Variants in FTO observed in about 807,000 individuals in gnomAD.
FTO encodes the protein alpha-ketoglutarate-dependent dioxygenase FTO.
Under a neutral mutation model 63.9 loss-of-function variants are expected in FTO, and 47 were observed. The observed-to-expected ratio is 0.74, with a 90% CI of 0.58 to 0.94. The LOEUF is 0.94. Ranked by LOEUF, FTO falls within the 40% of genes least tolerant of loss-of-function variation. The probability of loss-of-function intolerance (pLI) is 0.00; values close to 1 mark genes in which losing one functional copy is unlikely to be tolerated. For missense variants in FTO, 562 were observed against 618.1 expected, an observed-to-expected ratio of 0.91 and a Z score of 0.96; for synonymous variants, 207 against 224.4, an observed-to-expected ratio of 0.92 and a Z score of 0.69.
rs2086967253 is a variant in FTO, at chr16:54,115,335, C to G, written c.*3420C>G. The G allele has an allele frequency of 1.3e-5, 2 of 152,292 alleles. No individual in the cohort carries two copies. The allele number at this position is 152,292 out of a possible 1,614,324, so 9.4% of individuals were successfully genotyped here. A position where few individuals can be genotyped will look rare whatever the true frequency, so the allele number is the denominator to read the frequency against. ...CAGCAATGAGGCAAGCCTGGGGACC[C>G]AAGACAGATCTCTGCCTCCCAGGCT... On this transcript the variant is annotated 3_prime_UTR_variant, in exon 9 of 9. Coordinates refer to ENST00000471389, the MANE Select transcript of FTO (RefSeq NM_001080432.3).
intron 7 of FTO, among the ~76,000 whole-genome samples, chr16:53,892,596 T>G (rs1002027582): frequency 6.6e-5 from 10 of 152,220 alleles, no homozygotes; most frequent in Non-Finnish European, 1.3e-4. Flanking sequence ...TACTTTTTTT[T>G]GAATTGTAAA....
At chr16:53,732,100 G>A (rs1375493131) in intron 1 of FTO, among the ~76,000 whole-genome samples, 5 of 131,446 alleles carry the variant, frequency 3.8e-5, no homozygotes, top group African/African-American at 5.9e-5. Flanking sequence ...CCAGGCTGGA[G>A]TGCAGTGGTG....
At chr16:53,792,960 A>G (rs1021122719) in intron 1 of FTO, among the ~76,000 whole-genome samples, 1 of 152,208 alleles carries the variant, frequency 6.6e-6, no homozygotes, top group African/African-American at 2.4e-5. Flanking sequence ...CACTTACAAA[A>G]TTATGGACAG....
At chr16:53,906,870 A>G (rs1369641389) in intron 7 of FTO, among the ~76,000 whole-genome samples, 1 of 152,066 alleles carries the variant, frequency 6.6e-6, no homozygotes, top group Non-Finnish European at 1.5e-5. Flanking sequence ...AAGGAGAGGA[A>G]TCCTTCTTGA....
Position 53,790,579 on chromosome 16 carries a change from CA to C in FTO, c.46-19540del, listed in dbSNP as rs34860208. ...TAAAGAAAACAAAACCAAAATAAAG[CA>C]AAAAAAAAAAAAAAAAAAAAGGAGA... On this transcript the variant is annotated intron_variant, in intron 1 of 8. Coordinates refer to ENST00000471389, the MANE Select transcript of FTO (RefSeq NM_001080432.3). 3.5e-3 allele frequency among the ~76,000 whole-genome samples: 194 copies of C among 55,208 alleles called. No individual in the cohort carries two copies. In the South Asian group the frequency reaches 0.035, roughly 10 times the overall value. 36.2% of individuals were successfully genotyped at this position (55,208 alleles called of 152,430 possible). A position where few individuals can be genotyped will look rare whatever the true frequency, so the allele number is the denominator to read the frequency against.
intron 1 of FTO, among the ~76,000 whole-genome samples, chr16:53,806,996 G>C (rs990287465): frequency 6.6e-6 from 1 of 152,060 alleles, no homozygotes; most frequent in Non-Finnish European, 1.5e-5. Context: ...CTTAATATTT[G>C]TTTTTTTATA....
intron 1 of FTO, among the ~76,000 whole-genome samples, chr16:53,739,155 T>C (rs767475836): frequency 1.3e-5 from 2 of 152,144 alleles, no homozygotes; most frequent in South Asian, 2.1e-4. Flanking sequence ...TCTTTCTCAT[T>C]TGATTCTTAT....
At chr16:53,850,279 A>G (rs2079751816) in intron 4 of FTO, among the ~76,000 whole-genome samples, 1 of 152,046 alleles carries the variant, frequency 6.6e-6, no homozygotes, top group Non-Finnish European at 1.5e-5. Flanking sequence ...ATCCAATATG[A>G]ACTTCTGGCA....
chr16:53,875,693 T>G (rs981134640), intron 5 of FTO, among the ~76,000 whole-genome samples: 3 of 152,214 alleles, frequency 2.0e-5, no homozygotes, highest in Non-Finnish European at 4.4e-5. Flanking sequence ...TCAGAAGGGA[T>G]TTCAGTTTGT....
chr16:54,105,950 G>A (rs562457539), intron 8 of FTO, among the ~76,000 whole-genome samples: 63 of 152,186 alleles, frequency 4.1e-4, no homozygotes, highest in African/African-American at 1.3e-3. Flanking sequence ...GAAGAAGACC[G>A]TGTATGTTTT....
At chr16:53,870,498 T>G (rs1261948143) in intron 4 of FTO, among the ~76,000 whole-genome samples, 2 of 152,222 alleles carry the variant, frequency 1.3e-5, no homozygotes, top group Non-Finnish European at 2.9e-5. Flanking sequence ...CTCTGATAAA[T>G]TGTCATCTCT....
chr16:53,876,512 A>T (rs1313271132), intron 5 of FTO, among the ~76,000 whole-genome samples: 1 of 152,252 alleles, frequency 6.6e-6, no homozygotes, highest in African/African-American at 2.4e-5. Flanking sequence ...ATGGAATGGG[A>T]GAAAATATCT....
At chr16:53,800,714 T>G (rs1428605265) in intron 1 of FTO, among the ~76,000 whole-genome samples, 1 of 152,014 alleles carries the variant, frequency 6.6e-6, no homozygotes, top group Admixed American at 6.6e-5. Flanking sequence ...TCCTTTATCA[T>G]TATGAAATGA....
chr16:53,810,312 A>G, intron 2 of FTO, 95 bp downstream of exon 2: 2 of 826,144 alleles, frequency 2.4e-6, no homozygotes, highest in South Asian at 1.4e-5. Flanking sequence ...GTTAAATGAC[A>G]GGTGAAAAGG....
In FTO at chr16:54,034,326, C is replaced by T. The variant is rs1334963067; in HGVS notation, c.1365-77436C>T. 2.0e-5 allele frequency among the ~76,000 whole-genome samples: 3 copies of T among 152,158 alleles called. No individual in the cohort carries two copies. The East Asian group carries it at 5.8e-4, about 29-fold the overall frequency. On this transcript the variant is annotated intron_variant, in intron 8 of 8. Coordinates refer to ENST00000471389, the MANE Select transcript of FTO (RefSeq NM_001080432.3). ...CCATTTTAAAACCAGTGTTTAAGAG[C>T]TTTATGATTCTAAAATGAAAAGAAT...
At position 53,749,440 on chromosome 16, in the gene FTO, TC is replaced by T. The variant is rs1280724037; in HGVS notation, c.45+45212del. On this transcript the variant is annotated intron_variant, in intron 1 of 8. Coordinates refer to ENST00000471389, the MANE Select transcript of FTO (RefSeq NM_001080432.3). The stretch of plus-strand genomic sequence containing the variant: ...GAGGAAAAGATTTTAATTCTTTTTT[TC>T]TTTTTTTTTTTTTTGAGACGAAGTC... Among the ~76,000 whole-genome samples the T allele has an allele frequency of 1.3e-3, 198 of 150,768 alleles. 1 individual carries two copies. The highest frequency in any genetic ancestry group is 4.7e-3 in the African/African-American group (192 of 40,582).
chr16:53,853,022 G>A (rs1211942436), intron 4 of FTO, among the ~76,000 whole-genome samples: 1 of 152,210 alleles, frequency 6.6e-6, no homozygotes, highest in Non-Finnish European at 1.5e-5. Flanking sequence ...GCTAGGTGCG[G>A]TGGCTCACGC....
At chr16:53,736,315 T>C (rs1300737848) in intron 1 of FTO, among the ~76,000 whole-genome samples, 1 of 151,798 alleles carries the variant, frequency 6.6e-6, no homozygotes, top group Non-Finnish European at 1.5e-5. Context: ...TGCTCAAACC[T>C]GCACGTTGTG....
chr16:53,980,808 A>G (rs560066138), intron 8 of FTO, among the ~76,000 whole-genome samples: 1 of 152,282 alleles, frequency 6.6e-6, no homozygotes, highest in Admixed American at 6.5e-5. Context: ...CGACAGCCTT[A>G]TTTTTTTAAT....
Sources: gnomAD v4.1 joint callset for allele counts (sites outside exome capture counted in the v4.1 genomes callset) on GRCh38, gnomAD v4.1.1 for gene constraint, MANE v1.5 for transcripts, NCBI Gene and HGNC (gene_info 2026-07-23, HGNC 2026-07-21) for gene names.